CREM: variants seen among roughly 807,000 people sequenced by gnomAD.
CREM encodes cAMP responsive element modulator.
CREM carries 13 observed loss-of-function variants against 37.3 expected under a neutral mutation model. That is an observed-to-expected ratio of 0.35 (90% CI 0.23 to 0.55). The LOEUF is 0.55. Ranked by LOEUF, CREM falls within the 20% of genes least tolerant of loss-of-function variation. The pLI, the probability that CREM is intolerant of heterozygous loss-of-function variation, is 0.88. For synonymous variants in CREM, 124 were observed against 120.2 expected, an observed-to-expected ratio of 1.03 and a Z score of -0.21; for missense variants, 296 against 362.3, an observed-to-expected ratio of 0.82 and a Z score of 1.49.
intron 3 of CREM, among the ~76,000 whole-genome samples, chr10:35,158,828 T>TTTTG (rs1222335300): frequency 4.2e-5 from 6 of 143,908 alleles, no homozygotes; most frequent in African/African-American, 1.5e-4. Context: ...TTTGTTTTTT[T>TTTTG]TTTTTTTTTA....
intron 3 of CREM, among the ~76,000 whole-genome samples, chr10:35,158,017 A>T: frequency 6.6e-6 from 1 of 152,202 alleles, no homozygotes; most frequent in East Asian, 1.9e-4. Flanking sequence ...CTTAGAAATA[A>T]ATTTAAGCAA....
intron 2 of CREM, among the ~76,000 whole-genome samples, chr10:35,139,913 A>G (rs1298415046): frequency 6.6e-6 from 1 of 152,186 alleles, no homozygotes; most frequent in Admixed American, 6.5e-5. Context: ...CTGCTGAGAT[A>G]GTGCCTGAAA....
intron 1 of CREM, among the ~76,000 whole-genome samples, chr10:35,135,144 A>T (rs546684692): frequency 6.6e-6 from 1 of 152,276 alleles, no homozygotes; most frequent in East Asian, 1.9e-4. Context: ...TGTTTTTGTA[A>T]TCATACCTAA....
At chr10:35,182,189 C>G (rs2094381781) in intron 5 of CREM, among the ~76,000 whole-genome samples, 1 of 152,178 alleles carries the variant, frequency 6.6e-6, no homozygotes, top group Non-Finnish European at 1.5e-5. Context: ...AACATACTTA[C>G]ACACACAACA....
Position 35,206,989 on chromosome 10 carries a change from C to T in CREM, c.693C>T (p.His231=). The T allele has an allele frequency of 6.2e-7, 1 of 1,614,094 alleles. No homozygotes were observed. The highest frequency in any genetic ancestry group is 8.5e-7 in the Non-Finnish European group (1 of 1,180,014). The stretch of plus-strand genomic sequence containing the variant: ...TGGCTGCATCGCCCGGAAGTTTGCA[C>T]AGTCCCCAGCAGCTGGCAGAAGAAG... ...VVMAASPGSL[H]SPQQLAEEAT... Residue 231 remains histidine (H), a synonymous_variant, in exon 7 of 8, where the codon CAC becomes CAT. Coordinates refer to ENST00000685392, the MANE Select transcript of CREM (RefSeq NM_183011.2).
chr10:35,150,570 C>T (rs2092523370), intron 3 of CREM, among the ~76,000 whole-genome samples: 1 of 152,080 alleles, frequency 6.6e-6, no homozygotes, highest in Non-Finnish European at 1.5e-5. Flanking sequence ...ATCTGTAATC[C>T]CAGTACTTTG....
At chr10:35,157,636 A>G (rs1483529419) in intron 3 of CREM, among the ~76,000 whole-genome samples, 1 of 57,560 alleles carries the variant, frequency 1.7e-5, no homozygotes. Context: ...ACCCTGTCTC[A>G]AAAAAAAAAA....
At chr10:35,134,012 T>G (rs1429493955) in intron 1 of CREM, among the ~76,000 whole-genome samples, 1 of 152,066 alleles carries the variant, frequency 6.6e-6, no homozygotes, top group African/African-American at 2.4e-5. Flanking sequence ...CCAGAAAAGT[T>G]ACATTAAGGT....
intron 3 of CREM, among the ~76,000 whole-genome samples, chr10:35,153,681 C>T (rs557172825): frequency 3.3e-5 from 5 of 152,188 alleles, no homozygotes; most frequent in South Asian, 2.1e-4. Flanking sequence ...CTGGAGGCCT[C>T]GACTCTGAAA....
At chr10:35,137,939 T>C (rs2090825719) in intron 2 of CREM, 60 bp downstream of exon 2, 4 of 1,321,852 alleles carry the variant, frequency 3.0e-6, no homozygotes, top group East Asian at 2.4e-5. Context: ...AAGTTCATGA[T>C]GAATAAATTG....
At position 35,206,998 on chromosome 10, in the gene CREM, G is replaced by A; in HGVS notation, c.702G>A (p.Gln234=). The A allele has an allele frequency of 6.2e-7, 1 of 1,614,130 alleles. No homozygotes were observed. Among genetic ancestry groups the A allele is most frequent in the Non-Finnish European group, 8.5e-7 (1 of 1,180,014 alleles). The change falls in exon 7 of 8, where the codon CAG becomes CAA. Residue 234 remains glutamine (Q), a synonymous_variant. Transcript: ENST00000685392. ...CGCCCGGAAGTTTGCACAGTCCCCAGCAGCTGGCAGAAGAAGCAACACGCA... is the reference window on the plus strand; with the variant it reads ...CGCCCGGAAGTTTGCACAGTCCCCAACAGCTGGCAGAAGAAGCAACACGCA... ...AASPGSLHSP[Q]QLAEEATRKR... is the part of the protein sequence containing the mutation.
intron 6 of CREM, chr10:35,196,092 G>T (rs759924492): frequency 1.2e-6 from 2 of 1,614,144 alleles, no homozygotes; most frequent in Non-Finnish European, 1.7e-6. Flanking sequence ...TGTCTGGCCA[G>T]CTTAGTGGTA....
chr10:35,135,906 A>G (rs1200570601), intron 1 of CREM, among the ~76,000 whole-genome samples: 1 of 152,172 alleles, frequency 6.6e-6, no homozygotes, highest in South Asian at 2.1e-4. Context: ...ACTAGAAAGC[A>G]TCCTTTTAGA....
At chr10:35,128,974 A>G (rs564365237) in intron 1 of CREM, among the ~76,000 whole-genome samples, 1 of 152,338 alleles carries the variant, frequency 6.6e-6, no homozygotes, top group East Asian at 1.9e-4. Context: ...TAAGTATTAA[A>G]ACTGATGTTT....
At chr10:35,177,532 C>T (rs373831296) in intron 3 of CREM, among the ~76,000 whole-genome samples, 1 of 152,188 alleles carries the variant, frequency 6.6e-6, no homozygotes, top group South Asian at 2.1e-4. Context: ...GCCCTGGCCT[C>T]AAGTGATCCT....
At chr10:35,158,800 T>G (rs1462723796) in intron 3 of CREM, among the ~76,000 whole-genome samples, 1,364 of 127,868 alleles carry the variant, frequency 0.011, 31 homozygotes, top group African/African-American at 0.035. Context: ...AATATAGTGT[T>G]TTTTTTTTGT....
At chr10:35,195,255 T>C in intron 6 of CREM, 1 of 1,611,966 alleles carries the variant, frequency 6.2e-7, no homozygotes, top group Non-Finnish European at 8.5e-7. Context: ...ATTGTGCAGA[T>C]TGTTTTGAAG....
At chr10:35,197,908 G>A (rs2095259557) in intron 6 of CREM, among the ~76,000 whole-genome samples, 1 of 152,102 alleles carries the variant, frequency 6.6e-6, no homozygotes, top group African/African-American at 2.4e-5. Flanking sequence ...TAGATTAGTG[G>A]CTTGCAAACT....
chr10:35,191,433 CT>C (rs2094913763), intron 6 of CREM, among the ~76,000 whole-genome samples: 1 of 151,660 alleles, frequency 6.6e-6, no homozygotes, highest in Non-Finnish European at 1.5e-5. Context: ...TTTTCTTTTT[CT>C]CTTTTTTTCT....
Sources: allele counts gnomAD v4.1 joint callset (sites outside exome capture counted in the v4.1 genomes callset), GRCh38; gene constraint gnomAD v4.1.1; transcripts MANE v1.5; gene names NCBI Gene and HGNC (gene_info 2026-07-23, HGNC 2026-07-21).